IL17RD: variants seen among roughly 807,000 people sequenced by gnomAD.
IL17RD encodes interleukin-17 receptor D.
Under a neutral mutation model 80.5 loss-of-function variants are expected in IL17RD, and 52 were observed. The observed-to-expected ratio is 0.65, with a 90% CI of 0.52 to 0.81. IL17RD has a LOEUF of 0.81. Among genes scored for constraint, IL17RD ranks in the 40% least tolerant of loss-of-function variants. The pLI is 0.00. For missense variants in IL17RD, 1,024 were observed against 955.1 expected, an observed-to-expected ratio of 1.07 and a Z score of -0.95; for synonymous variants, 416 against 391.8, an observed-to-expected ratio of 1.06 and a Z score of -0.73.
intron 1 of IL17RD, among the ~76,000 whole-genome samples, chr3:57,155,613 C>T (rs184570808): frequency 9.1e-4 from 139 of 151,928 alleles, no homozygotes; most frequent in African/African-American, 3.2e-3. Context: ...TTTTTTGAGA[C>T]GGAGTCTCGC....
At chr3:57,104,534 T>C in intron 7 of IL17RD, 127 bp from the exon 8 acceptor site, 1 of 653,364 alleles carries the variant, frequency 1.5e-6, no homozygotes, top group Non-Finnish European at 2.7e-6. Flanking sequence ...AAAATGTGAT[T>C]AGATCGAAAA....
At chr3:57,112,179 C>T (rs1157555638) in intron 3 of IL17RD, among the ~76,000 whole-genome samples, 1 of 152,174 alleles carries the variant, frequency 6.6e-6, no homozygotes, top group Non-Finnish European at 1.5e-5. Flanking sequence ...TATAGAGCAG[C>T]TTCCCAGGAA....
chr3:57,120,617 G>C (rs572491444), intron 1 of IL17RD, among the ~76,000 whole-genome samples: 41 of 152,352 alleles, frequency 2.7e-4, no homozygotes, highest in African/African-American at 9.9e-4. Flanking sequence ...AAAATTGGGA[G>C]AGAGACCAAG....
chr3:57,135,267 G>A (rs1333299160), intron 1 of IL17RD, among the ~76,000 whole-genome samples: 2 of 152,160 alleles, frequency 1.3e-5, no homozygotes, highest in Non-Finnish European at 2.9e-5. Flanking sequence ...AGCCCCAAAG[G>A]CACAGCAGGT....
At position 57,110,290 on chromosome 3, in the gene IL17RD, A is replaced by T. The variant is rs1269297049; in HGVS notation, c.332T>A (p.Phe111Tyr). The stretch of plus-strand genomic sequence containing the variant: ...CTTCAGCTCCTCCAGTATTACCCGA[A>T]ATCCTTTCAGGAATTCGATGCCTAA... ...GALGIEFLKG[F>Y]RVILEELKSE... is the part of the protein sequence containing the mutation. The change falls in exon 4 of 13, where the codon TTT (phenylalanine) becomes TAT (tyrosine). Residue 111 changes from phenylalanine (F) to tyrosine (Y), a missense_variant. Physicochemically the swap from Phe to Tyr is conservative, Grantham distance 22 (BLOSUM62 3). Coordinates refer to ENST00000296318, the MANE Select transcript of IL17RD (RefSeq NM_017563.5). 1 of 1,605,784 alleles carries T rather than the reference A, an allele frequency of 6.2e-7. No homozygotes were observed.
intron 5 of IL17RD, among the ~76,000 whole-genome samples, chr3:57,108,509 C>CTTTTTTTTTT (rs34594516): frequency 2.2e-4 from 11 of 49,164 alleles, no homozygotes; most frequent in Admixed American, 7.9e-4. Context: ...TGATACATGG[C>CTTTTTTTTTT]TTTTTTTTTT....
chr3:57,096,603 A>G, intron 12 of IL17RD, 98 bp from the exon 13 acceptor site: 1 of 858,382 alleles, frequency 1.2e-6, no homozygotes, highest in South Asian at 1.4e-5. Context: ...GGTTTGGACT[A>G]TGGGCTCTGT....
chr3:57,169,883 G>A (rs1466707771), upstream of IL17RD, among the ~76,000 whole-genome samples: 23 of 152,156 alleles, frequency 1.5e-4, no homozygotes, highest in Non-Finnish European at 4.4e-5. Flanking sequence ...CTACCTGGCA[G>A]TCTTGGCTCC....
At chr3:57,127,213 T>TATATATAAATATATATAAAA (rs1707480873) in intron 1 of IL17RD, among the ~76,000 whole-genome samples, 1 of 115,390 alleles carries the variant, frequency 8.7e-6, no homozygotes, top group Non-Finnish European at 1.6e-5. Context: ...TATATAAAAA[T>TATATATAAATATATATAAAA]ATATATAAAT....
chr3:57,123,026 T>C (rs2107501954), intron 1 of IL17RD, among the ~76,000 whole-genome samples: 1 of 152,256 alleles, frequency 6.6e-6, no homozygotes, highest in Admixed American at 6.5e-5. Flanking sequence ...GCCAATGCAT[T>C]GTGGAAAGGA....
intron 3 of IL17RD, among the ~76,000 whole-genome samples, chr3:57,113,869 G>T (rs910645823): frequency 4.6e-5 from 7 of 151,496 alleles, no homozygotes; most frequent in Admixed American, 2.6e-4. Context: ...TTTCCATTTG[G>T]TTTTTTTGGC....
chr3:57,156,215 A>T (rs2107542422), intron 1 of IL17RD, among the ~76,000 whole-genome samples: 1 of 152,282 alleles, frequency 6.6e-6, no homozygotes, highest in Middle Eastern at 3.4e-3. Context: ...GAGGACAGTG[A>T]GCAGCAAGTT....
chr3:57,108,509 CT>C (rs34594516), intron 5 of IL17RD, among the ~76,000 whole-genome samples: 30 of 49,164 alleles, frequency 6.1e-4, no homozygotes, highest in Non-Finnish European at 8.7e-4. Flanking sequence ...TGATACATGG[CT>C]TTTTTTTTTT....
intron 2 of IL17RD, among the ~76,000 whole-genome samples, chr3:57,119,690 A>G (rs1467804950): frequency 1.3e-5 from 2 of 151,774 alleles, no homozygotes; most frequent in African/African-American, 2.4e-5. Context: ...TTTCACACAG[A>G]TTCACCTTGT....
At chr3:57,132,439 G>A (rs1456648766) in intron 1 of IL17RD, among the ~76,000 whole-genome samples, 1 of 152,066 alleles carries the variant, frequency 6.6e-6, no homozygotes, top group Non-Finnish European at 1.5e-5. Context: ...TAGCCTGGGC[G>A]ACAGAGTAAG....
intron 1 of IL17RD, among the ~76,000 whole-genome samples, chr3:57,123,953 G>A (rs1707393769): frequency 6.6e-6 from 1 of 152,194 alleles, no homozygotes. Flanking sequence ...GCTGAGGCGG[G>A]AGAATCGCTT....
At chr3:57,103,568 A>C (rs1075398) in intron 8 of IL17RD, among the ~76,000 whole-genome samples, 24,140 of 152,192 alleles carry the variant, frequency 0.16, 2,477 homozygotes, top group East Asian at 0.36. Context: ...TTTCTACCAA[A>C]ATGTTAAGAC....
intron 1 of IL17RD, among the ~76,000 whole-genome samples, chr3:57,142,047 C>T (rs1306015143): frequency 6.6e-6 from 1 of 152,132 alleles, no homozygotes; most frequent in Non-Finnish European, 1.5e-5. Flanking sequence ...CAAAAAGGGA[C>T]ACACGGAGCC....
chr3:57,127,952 G>A (rs774155333), intron 1 of IL17RD, among the ~76,000 whole-genome samples: 134 of 152,106 alleles, frequency 8.8e-4, no homozygotes, highest in Non-Finnish European at 1.3e-3. Flanking sequence ...ACAAAAAGTC[G>A]GCAAAGGCAG....
Sources: gnomAD v4.1 joint callset for allele counts (sites outside exome capture counted in the v4.1 genomes callset) on GRCh38, gnomAD v4.1.1 for gene constraint, MANE v1.5 for transcripts, NCBI Gene and HGNC (gene_info 2026-07-23, HGNC 2026-07-21) for gene names.